LIN9: variants seen among roughly 807,000 people sequenced by gnomAD.
LIN9 encodes the protein protein lin-9 homolog.
A neutral mutation model predicts 78.0 loss-of-function variants in LIN9; 18 were observed. That is an observed-to-expected ratio of 0.23 (90% CI 0.16 to 0.34). The LOEUF (loss-of-function observed/expected upper bound fraction) is 0.34. Among genes scored for constraint, LIN9 ranks in the 10% least tolerant of loss-of-function variants. The pLI, the probability that LIN9 is intolerant of heterozygous loss-of-function variation, is 1.00. For synonymous variants in LIN9, 192 were observed against 215.2 expected, an observed-to-expected ratio of 0.89 and a Z score of 0.94; for missense variants, 451 against 644.1, an observed-to-expected ratio of 0.70 and a Z score of 3.25.
chr1:226,258,168 G>A (rs1385325425), intron 10 of LIN9, among the ~76,000 whole-genome samples: 3 of 139,694 alleles, frequency 2.1e-5, no homozygotes, highest in Non-Finnish European at 4.6e-5. Flanking sequence ...GGGAGACCCT[G>A]TTCTCAAAAA....
intron 6 of LIN9, among the ~76,000 whole-genome samples, chr1:226,282,081 C>T (rs1661101332): frequency 6.6e-6 from 1 of 152,208 alleles, no homozygotes; most frequent in Admixed American, 6.5e-5. Context: ...CAAATAGCTA[C>T]AGTATGCACT....
At chr1:226,247,775 G>A (rs559725046) in intron 11 of LIN9, among the ~76,000 whole-genome samples, 6 of 151,504 alleles carry the variant, frequency 4.0e-5, no homozygotes, top group African/African-American at 9.7e-5. Flanking sequence ...GGGTTCAAGC[G>A]ACTCTCCTGC....
rs544505481 is a variant in LIN9 at position 226,275,708 on chromosome 1, A to G, written c.682+2067T>C. 2.1e-4 allele frequency among the ~76,000 whole-genome samples: 31 copies of G among 145,922 alleles called. 1 individual carries two copies. The highest frequency in any genetic ancestry group is 5.5e-4 in the Admixed American group (8 of 14,492). On this transcript the variant is annotated intron_variant, in intron 7 of 14. Transcript: ENST00000681046. ...CTCCGTCTCAGAAAAAAAAAAAAAAAAAAAGAAAAAAAGAAAAAATAGCTC... is the reference window on the plus strand; with the variant it reads ...CTCCGTCTCAGAAAAAAAAAAAAAAGAAAAGAAAAAAAGAAAAAATAGCTC...
At chr1:226,294,116 T>C (rs1436375819) in intron 4 of LIN9, among the ~76,000 whole-genome samples, 1 of 151,942 alleles carries the variant, frequency 6.6e-6, no homozygotes, top group East Asian at 1.9e-4. Context: ...GAGACCAGCC[T>C]GGCCAATGTG....
At chr1:226,241,146 G>C (rs111360997) in intron 11 of LIN9, among the ~76,000 whole-genome samples, 1 of 152,130 alleles carries the variant, frequency 6.6e-6, no homozygotes, top group Non-Finnish European at 1.5e-5. Flanking sequence ...GTTTACCATT[G>C]GTGCTTCCTG....
At chr1:226,246,700 G>A (rs1362301024) in intron 11 of LIN9, among the ~76,000 whole-genome samples, 1 of 150,348 alleles carries the variant, frequency 6.7e-6, no homozygotes, top group South Asian at 2.1e-4. Context: ...GGCTAAGGCA[G>A]GAGAATGGTG....
At chr1:226,236,739 G>A (rs1269924346) in intron 12 of LIN9, among the ~76,000 whole-genome samples, 1 of 152,222 alleles carries the variant, frequency 6.6e-6, no homozygotes, top group Non-Finnish European at 1.5e-5. Flanking sequence ...TTACAGGCGT[G>A]AGCCACCGCA....
chr1:226,247,255 G>C (rs917815002), intron 11 of LIN9, among the ~76,000 whole-genome samples: 1 of 151,944 alleles, frequency 6.6e-6, no homozygotes, highest in African/African-American at 2.4e-5. Context: ...AACAAATTAA[G>C]CATTTAAAAT....
intron 10 of LIN9, among the ~76,000 whole-genome samples, chr1:226,255,264 G>T (rs1030881221): frequency 6.6e-6 from 1 of 152,122 alleles, no homozygotes; most frequent in African/African-American, 2.4e-5. Flanking sequence ...GAAAACTAAC[G>T]ATTTTGAATT....
chr1:226,285,704 CATATT>C (rs1416952061), intron 6 of LIN9, among the ~76,000 whole-genome samples: 1 of 152,176 alleles, frequency 6.6e-6, no homozygotes, highest in East Asian at 1.9e-4. Flanking sequence ...CAGGAAGTAA[CATATT>C]AGATAGATTA....
At chr1:226,301,281 A>T (rs896520494) in intron 1 of LIN9, 76 bp from the exon 2 acceptor site, 15 of 1,059,094 alleles carry the variant, frequency 1.4e-5, no homozygotes, top group Non-Finnish European at 2.1e-5. Context: ...TTTGGGGGTA[A>T]AAGTGATCCA....
At position 226,250,175 on chromosome 1, in the gene LIN9, A is replaced by C. The variant is rs540472030; in HGVS notation, c.1119+664T>G. The stretch of plus-strand genomic sequence containing the variant: ...ACGAGCAAAATTCCATCTCAGAAAA[A>C]AAAAAAAAAAGACTTCTGGTAATTA... On this transcript the variant is annotated intron_variant, in intron 11 of 14. Coordinates refer to ENST00000681046, the MANE Select transcript of LIN9 (RefSeq NM_001366245.2). Among the ~76,000 whole-genome samples, 6 of 152,206 alleles carry C rather than the reference A, an allele frequency of 3.9e-5. No individual in the cohort carries two copies. In the South Asian group the frequency reaches 1.0e-3, roughly 26 times the overall value.
In LIN9 at chr1:226,234,893, A is replaced by ATTTT. The variant is rs558971569; in HGVS notation, c.1246-1374_1246-1371dup. On this transcript the variant is annotated intron_variant, in intron 12 of 14. Coordinates refer to ENST00000681046, the MANE Select transcript of LIN9 (RefSeq NM_001366245.2). ...AGAAACCTGGCTCGCGTTATCCTAA[A>ATTTT]TTTTTTTTTTTTTTTTTTGAGACAG... 4.0e-3 allele frequency among the ~76,000 whole-genome samples: 542 copies of ATTTT among 134,326 alleles called. 18 individuals carry two copies. Among genetic ancestry groups the ATTTT allele is most frequent in the East Asian group, 0.025 (115 of 4,510 alleles). The allele number at this position is 134,326 out of a possible 152,430, so 88.1% of individuals were successfully genotyped here. A position where few individuals can be genotyped will look rare whatever the true frequency, so the allele number is the denominator to read the frequency against.
At chr1:226,263,436 G>A (rs887613100) in intron 10 of LIN9, among the ~76,000 whole-genome samples, 1 of 151,938 alleles carries the variant, frequency 6.6e-6, no homozygotes, top group Non-Finnish European at 1.5e-5. Context: ...CCTAAAATTG[G>A]TCTAAAAAAA....
At chr1:226,261,597 G>C (rs1166856007) in intron 10 of LIN9, among the ~76,000 whole-genome samples, 1 of 152,098 alleles carries the variant, frequency 6.6e-6, no homozygotes, top group Non-Finnish European at 1.5e-5. Flanking sequence ...ACCTATGTGA[G>C]CAAAACTCTG....
At chr1:226,300,409 G>A (rs1662455084) in intron 2 of LIN9, among the ~76,000 whole-genome samples, 1 of 151,860 alleles carries the variant, frequency 6.6e-6, no homozygotes, top group African/African-American at 2.4e-5. Context: ...AAATTAGCTG[G>A]GCATGGTAGC....
At chr1:226,291,656 T>C (rs756946144) in intron 4 of LIN9, among the ~76,000 whole-genome samples, 47 of 152,174 alleles carry the variant, frequency 3.1e-4, no homozygotes, top group Non-Finnish European at 5.7e-4. Flanking sequence ...GTTGTAGATT[T>C]ACAGGCAAGT....
chr1:226,305,190 C>T (rs1049128900), intron 1 of LIN9, among the ~76,000 whole-genome samples: 6 of 151,568 alleles, frequency 4.0e-5, no homozygotes, highest in South Asian at 4.2e-4. Context: ...TAAAGATAGG[C>T]CCTGCATGGT....
chr1:226,284,701 G>GTGA (rs1206717300), intron 6 of LIN9, among the ~76,000 whole-genome samples: 1 of 152,184 alleles, frequency 6.6e-6, no homozygotes, highest in Non-Finnish European at 1.5e-5. Flanking sequence ...TCCAGCCTGG[G>GTGA]TGACAGAGCA....
Sources: gnomAD v4.1 joint callset for allele counts (sites outside exome capture counted in the v4.1 genomes callset) on GRCh38, gnomAD v4.1.1 for gene constraint, MANE v1.5 for transcripts, NCBI Gene and HGNC (gene_info 2026-07-23, HGNC 2026-07-21) for gene names.